The following NDUFA8 variants were observed in gnomAD, a reference collection of about 807,000 sequenced individuals.
The protein encoded by NDUFA8 is NADH dehydrogenase [ubiquinone] 1 alpha subcomplex subunit 8.
In NDUFA8, 16 loss-of-function variants were observed where a neutral mutation model predicts 20.9. The ratio of observed to expected loss-of-function variants is 0.77; its 90% CI spans 0.52 to 1.16. NDUFA8 has a LOEUF of 1.16. NDUFA8 is among the 50% of genes most tolerant of loss of function. The pLI is 0.00. For missense variants in NDUFA8, 202 were observed against 216.4 expected (o/e 0.93, Z 0.42); for synonymous variants, 70 against 76.1 (o/e 0.92, Z 0.41).
chr9:122,158,616 G>A (rs981328072), intron 1 of NDUFA8, among the ~76,000 whole-genome samples: 10 of 151,468 alleles, frequency 6.6e-5, no homozygotes, highest in South Asian at 2.1e-4. Flanking sequence ...TTCTACTCTC[G>A]GGGACTAATT....
At chr9:122,138,001 A>G in the NDUFA8 span, among the ~76,000 whole-genome samples, 2 of 152,178 alleles carry the variant, frequency 1.3e-5, no homozygotes, top group African/African-American at 4.8e-5. Flanking sequence ...TTTGGTATGA[A>G]TTCACCACTA....
chr9:122,149,526 T>G (rs1255643057), intron 2 of NDUFA8, among the ~76,000 whole-genome samples: 1 of 152,254 alleles, frequency 6.6e-6, no homozygotes, highest in African/African-American at 2.4e-5. Context: ...TACTAATGCC[T>G]ACAACCAGCA....
At chr9:122,148,347 T>C (rs1166130852) in intron 2 of NDUFA8, 70 bp from the exon 3 acceptor site, 21 of 1,544,890 alleles carry the variant, frequency 1.4e-5, no homozygotes, top group Non-Finnish European at 1.7e-5. Flanking sequence ...GAGAAAAAAA[T>C]AGGTACAGAT....
chr9:122,159,678 G>A lies in NDUFA8; in HGVS notation c.-1C>T. ...TGGGCAGCTCCACTATCCCCGGCAT[G>A]ACGGCTGCAGCCCCGACCCCGACGA... is the stretch of plus-strand genomic sequence containing the variant. On this transcript the variant is annotated 5_prime_UTR_variant, in exon 1 of 4. Coordinates refer to ENST00000373768, the MANE Select transcript of NDUFA8 (RefSeq NM_014222.3). 6.2e-7 allele frequency: 1 copy of A among 1,614,126 alleles called. No individual in the cohort carries two copies. Among genetic ancestry groups the A allele is most frequent in the African/African-American group, 1.3e-5 (1 of 75,054 alleles).
the NDUFA8 span, among the ~76,000 whole-genome samples, chr9:122,137,944 C>G: frequency 6.6e-6 from 1 of 152,174 alleles, no homozygotes; most frequent in Non-Finnish European, 1.5e-5. Context: ...GGCTGCCCAT[C>G]ACAGTGATAT....
In NDUFA8 at chr9:122,148,134, G is replaced by A; in HGVS notation, c.359C>T (p.Pro120Leu). The change falls in exon 3 of 4, where the codon CCT becomes CTT. Residue 120 changes from proline (P) to leucine (L), a missense_variant. By Grantham distance (98) the Pro-to-Leu change is moderately conservative (BLOSUM62 -3). Transcript: ENST00000373768. Reference sequence around the variant, plus strand: ...TACCTTTGACAGTTCTCCCAGGTCAGGCCGCACCCAGCCCAGTTTGTCCAG... The same window carrying A: ...TACCTTTGACAGTTCTCCCAGGTCAAGCCGCACCCAGCCCAGTTTGTCCAG... ...CVLDKLGWVR[P>L]DLGELSKVTK... is the part of the protein sequence containing the mutation. The A allele has an allele frequency of 6.2e-7, 1 of 1,614,170 alleles. No homozygotes were observed. The highest frequency in any genetic ancestry group is 8.5e-7 in the Non-Finnish European group (1 of 1,180,026).
chr9:122,148,553 A>G (rs1452766371), intron 2 of NDUFA8, among the ~76,000 whole-genome samples: 4 of 151,768 alleles, frequency 2.6e-5, no homozygotes, highest in Non-Finnish European at 4.4e-5. Flanking sequence ...TCAGAGAGGA[A>G]CTCCTTACTT....
In NDUFA8 at chr9:122,144,122, C is replaced by T; in HGVS notation, c.*119G>A. The T allele has an allele frequency of 2.6e-6, 4 of 1,568,180 alleles. No homozygotes were observed. Among genetic ancestry groups the T allele is most frequent in the South Asian group, 1.2e-5 (1 of 85,496 alleles). Reference sequence around the variant, plus strand: ...ATAACTGCCAAGTCACATAAGTTAACTTTTTTGTTAATGTTTGTGATCCCG... The same window carrying T: ...ATAACTGCCAAGTCACATAAGTTAATTTTTTTGTTAATGTTTGTGATCCCG... On this transcript the variant is annotated 3_prime_UTR_variant, in exon 4 of 4. Transcript: ENST00000373768.
the NDUFA8 span, among the ~76,000 whole-genome samples, chr9:122,134,377 C>T: frequency 5.9e-5 from 9 of 152,166 alleles, no homozygotes; most frequent in African/African-American, 1.4e-4. Context: ...ATGAGATAAC[C>T]TTTCCGAGCA....
the NDUFA8 span, among the ~76,000 whole-genome samples, chr9:122,134,298 G>C: frequency 1.3e-5 from 2 of 152,108 alleles, no homozygotes; most frequent in Non-Finnish European, 2.9e-5. Flanking sequence ...TACGGTTTTG[G>C]AATCAGACAA....
At chr9:122,155,171 C>T (rs1221862731) in intron 1 of NDUFA8, among the ~76,000 whole-genome samples, 1 of 152,180 alleles carries the variant, frequency 6.6e-6, no homozygotes, top group African/African-American at 2.4e-5. Flanking sequence ...CTCTGCCTCC[C>T]AGGTTCAAGT....
chr9:122,151,576 G>C (rs1828997981), intron 2 of NDUFA8, among the ~76,000 whole-genome samples: 1 of 152,190 alleles, frequency 6.6e-6, no homozygotes, highest in Non-Finnish European at 1.5e-5. Context: ...GAGAAAACCA[G>C]AACTAAGAGA....
the NDUFA8 span, chr9:122,132,894 T>C: frequency 2.2e-6 from 1 of 455,910 alleles, no homozygotes; most frequent in South Asian, 1.5e-5. Context: ...TTCTCCCAGC[T>C]CCACCAGGGC....
chr9:122,144,269 C>A lies in NDUFA8; in HGVS notation c.491G>T (p.Gly164Val). The change falls in exon 4 of 4, where the codon GGC (glycine) becomes GTC (valine). Residue 164 changes from glycine (G) to valine (V), a missense_variant. Coordinates refer to ENST00000373768, the MANE Select transcript of NDUFA8 (RefSeq NM_014222.3). ...CTTGGTCCAGAAATAAAAGCGGCTGCCATGTGTGGCAGGCTGCAGATCTCC... is the reference window on the plus strand; with the variant it reads ...CTTGGTCCAGAAATAAAAGCGGCTGACATGTGTGGCAGGCTGCAGATCTCC... ...IEGDLQPATH[G>V]SRFYFWTK 6.2e-7 allele frequency: 1 copy of A among 1,614,080 alleles called. No individual in the cohort carries two copies. Among genetic ancestry groups the A allele is most frequent in the Non-Finnish European group, 8.5e-7 (1 of 1,180,012 alleles).
intron 2 of NDUFA8, among the ~76,000 whole-genome samples, chr9:122,150,325 G>C (rs1157677536): frequency 6.7e-6 from 1 of 150,038 alleles, no homozygotes; most frequent in Admixed American, 6.7e-5. Flanking sequence ...GCAGGAGAAT[G>C]GCGCGAACCC....
At chr9:122,150,210 C>T (rs950830446) in intron 2 of NDUFA8, among the ~76,000 whole-genome samples, 52 of 151,528 alleles carry the variant, frequency 3.4e-4, no homozygotes, top group Non-Finnish European at 7.4e-5. Flanking sequence ...ATCACGAGAT[C>T]AGGAGATTGA....
chr9:122,152,191 T>C (rs1829010073), intron 2 of NDUFA8, 54 bp downstream of exon 2: 4 of 1,598,634 alleles, frequency 2.5e-6, no homozygotes, highest in Non-Finnish European at 3.4e-6. Context: ...GTTCACTTAT[T>C]CATTTAAACC....
chr9:122,142,999 TG>T (rs1340464891), downstream of NDUFA8, among the ~76,000 whole-genome samples: 5 of 152,164 alleles, frequency 3.3e-5, no homozygotes, highest in African/African-American at 4.8e-5. Flanking sequence ...GCAGAACACG[TG>T]GGGGTTCTGC....
chr9:122,133,064 A>T, the NDUFA8 span: 1 of 455,278 alleles, frequency 2.2e-6, no homozygotes, highest in Non-Finnish European at 4.4e-6. Context: ...CACTCTGCAA[A>T]GTAGACCTTA....
Sources: allele counts gnomAD v4.1 joint callset (sites outside exome capture counted in the v4.1 genomes callset), GRCh38; gene constraint gnomAD v4.1.1; transcripts MANE v1.5; gene names NCBI Gene and HGNC (gene_info 2026-07-23, HGNC 2026-07-21).